SAP30BP: variants seen among roughly 807,000 people sequenced by gnomAD.
The protein encoded by SAP30BP is SAP30-binding protein.
In SAP30BP, 31 loss-of-function variants were observed where a neutral mutation model predicts 46.3. The observed-to-expected ratio is 0.67, with a 90% confidence interval of 0.50 to 0.90. SAP30BP has a LOEUF of 0.90. Among genes scored for constraint, SAP30BP ranks in the 40% least tolerant of loss-of-function variants. The probability of loss-of-function intolerance (pLI) is 0.00; values close to 1 mark genes in which losing one functional copy is unlikely to be tolerated. For missense variants in SAP30BP, 312 were observed against 391.0 expected, an observed-to-expected ratio of 0.80 and a Z score of 1.70; for synonymous variants, 169 against 144.2, an observed-to-expected ratio of 1.17 and a Z score of -1.23.
intron 3 of SAP30BP, among the ~76,000 whole-genome samples, chr17:75,686,636 A>G (rs1292489971): frequency 6.6e-6 from 1 of 152,310 alleles, no homozygotes; most frequent in East Asian, 1.9e-4. Context: ...GGCCCCACCA[A>G]CTTCCGCCCA....
intron 3 of SAP30BP, chr17:75,690,906 C>T (rs889440847): frequency 1.6e-5 from 6 of 370,284 alleles, no homozygotes; most frequent in Admixed American, 6.9e-5. Flanking sequence ...AGTGCAGCAG[C>T]GCTGGCCTCC....
chr17:75,678,701 T>C (rs1205991623), intron 3 of SAP30BP, among the ~76,000 whole-genome samples: 1 of 151,868 alleles, frequency 6.6e-6, no homozygotes, highest in African/African-American at 2.4e-5. Flanking sequence ...TAAACTGGAG[T>C]GCTCTCAGAA....
In SAP30BP at chr17:75,706,662, A is replaced by C. The variant is rs780292747; in HGVS notation, c.*141A>C. The stretch of plus-strand genomic sequence containing the variant: ...GAGGAGCTTCTGTTTGGCATTCCAG[A>C]TGGAAGGACAGGCAGCACGGGAGCC... On this transcript the variant is annotated 3_prime_UTR_variant, in exon 11 of 11. Coordinates refer to ENST00000584667, the MANE Select transcript of SAP30BP (RefSeq NM_013260.8). The surrounding 1 kb of genome is among the most constrained non-coding windows in gnomAD (Gnocchi z 4.6). 3.9e-6 allele frequency: 3 copies of C among 768,366 alleles called. No homozygotes were observed. The highest frequency in any genetic ancestry group is 4.2e-6 in the Non-Finnish European group (2 of 477,884). The allele number at this position is 768,366 out of a possible 1,614,324, so 47.6% of individuals were successfully genotyped here.
At chr17:75,688,304 A>G (rs1287038780) in intron 3 of SAP30BP, among the ~76,000 whole-genome samples, 2 of 152,222 alleles carry the variant, frequency 1.3e-5, no homozygotes, top group Non-Finnish European at 2.9e-5. Flanking sequence ...TCATCAGGCC[A>G]TGGGCTGTCC....
intron 3 of SAP30BP, among the ~76,000 whole-genome samples, chr17:75,688,285 A>G (rs1214915209): frequency 6.6e-6 from 1 of 152,214 alleles, no homozygotes; most frequent in Non-Finnish European, 1.5e-5. Context: ...GTGCTCGTGA[A>G]GTGAGATCTC....
intron 4 of SAP30BP, among the ~76,000 whole-genome samples, chr17:75,694,499 C>G (rs1476852936): frequency 6.6e-6 from 1 of 152,192 alleles, no homozygotes; most frequent in Non-Finnish European, 1.5e-5. Context: ...CTTTCAAATC[C>G]TATAAAAACC....
intron 3 of SAP30BP, among the ~76,000 whole-genome samples, chr17:75,672,627 C>G (rs574570711): frequency 3.3e-5 from 5 of 152,206 alleles, no homozygotes; most frequent in Middle Eastern, 3.4e-3. Context: ...TTATATCACT[C>G]TAGACCCGGG....
chr17:75,693,407 T>C (rs1311536606), intron 3 of SAP30BP, 33 bp from the exon 4 acceptor site: 1 of 1,602,288 alleles, frequency 6.2e-7, no homozygotes, highest in South Asian at 1.1e-5. Flanking sequence ...GGAGCCCCAG[T>C]CTTACCTCCT....
intron 7 of SAP30BP, 32 bp from the exon 8 acceptor site, chr17:75,703,776 G>C (rs933875970): frequency 6.2e-6 from 10 of 1,603,344 alleles, no homozygotes; most frequent in Non-Finnish European, 6.8e-6. Context: ...TGAGTCATTT[G>C]TCATCTGAGT....
intron 3 of SAP30BP, chr17:75,684,507 G>A (rs2060128973): frequency 6.6e-6 from 1 of 152,240 alleles, no homozygotes; most frequent in Admixed American, 6.5e-5. Context: ...TTGCTGGTTT[G>A]TGAGCCATCC....
intron 3 of SAP30BP, among the ~76,000 whole-genome samples, chr17:75,686,572 A>G (rs2060160763): frequency 2.0e-5 from 3 of 152,112 alleles, no homozygotes; most frequent in Non-Finnish European, 4.4e-5. Context: ...TTGGGAGCAG[A>G]GCCTTCCCAT....
chr17:75,686,879 A>G (rs1599131618), intron 3 of SAP30BP, among the ~76,000 whole-genome samples: 1 of 152,346 alleles, frequency 6.6e-6, no homozygotes, highest in South Asian at 2.1e-4. Flanking sequence ...GCCCCCAACC[A>G]TGTCTCTGTC....
At chr17:75,680,530 C>T (rs1016095161) in intron 3 of SAP30BP, among the ~76,000 whole-genome samples, 4 of 152,108 alleles carry the variant, frequency 2.6e-5, no homozygotes, top group Admixed American at 6.6e-5. Context: ...CGTGAGACCC[C>T]CTTTGCAAGG....
chr17:75,696,137 G>GT (rs1243882333), intron 4 of SAP30BP, among the ~76,000 whole-genome samples: 5 of 152,184 alleles, frequency 3.3e-5, no homozygotes, highest in African/African-American at 1.2e-4. Flanking sequence ...CTGCCTCTGA[G>GT]AACACACCCA....
intron 3 of SAP30BP, among the ~76,000 whole-genome samples, chr17:75,674,706 T>TTTTG (rs2059962610): frequency 1.7e-5 from 2 of 117,890 alleles, no homozygotes; most frequent in Admixed American, 8.6e-5. Context: ...TGTTTTTTTT[T>TTTTG]TTTTTTTTTT....
chr17:75,693,591 A>T (rs1438703079), intron 4 of SAP30BP, 109 bp downstream of exon 4: 1 of 976,222 alleles, frequency 1.0e-6, no homozygotes, highest in Non-Finnish European at 1.5e-6. Flanking sequence ...TGCTGTGAGC[A>T]CTGTTGTCCC....
rs1217453330 is a variant in SAP30BP at position 75,693,253 on chromosome 17, G to A, written c.265-187G>A. Reference sequence around the variant, plus strand: ...GGGCTCGGGAGCATCCGGCTGCTGCGATGCGGGAAGAAGAGGGTTCGGAGG... The same window carrying A: ...GGGCTCGGGAGCATCCGGCTGCTGCAATGCGGGAAGAAGAGGGTTCGGAGG... On this transcript the variant is annotated intron_variant, in intron 3 of 10. Coordinates refer to ENST00000584667, the MANE Select transcript of SAP30BP (RefSeq NM_013260.8). 5.2e-5 allele frequency: 30 copies of A among 580,460 alleles called. No individual in the cohort carries two copies. The East Asian group carries it at 7.7e-4, about 15-fold the overall frequency. The allele number at this position is 580,460 out of a possible 1,614,324, so 36.0% of individuals were successfully genotyped here.
At chr17:75,689,055 G>A (rs1236369258) in intron 3 of SAP30BP, among the ~76,000 whole-genome samples, 2 of 151,958 alleles carry the variant, frequency 1.3e-5, no homozygotes, top group African/African-American at 4.8e-5. Context: ...GGCTCAGATT[G>A]GTGTCCTCCA....
chr17:75,706,195 C>A lies in SAP30BP; in HGVS notation c.745+103C>A. On this transcript the variant is annotated intron_variant, in intron 10 of 10. Coordinates refer to ENST00000584667, the MANE Select transcript of SAP30BP (RefSeq NM_013260.8). The surrounding 1 kb of genome is among the most constrained non-coding windows in gnomAD (Gnocchi z 4.6). ...CACGTGGATCTGGGCCTGGGCTCAGCCTTGCTACTTTGAGAAGCACCTTTG... is the reference window on the plus strand; with the variant it reads ...CACGTGGATCTGGGCCTGGGCTCAGACTTGCTACTTTGAGAAGCACCTTTG... The A allele has an allele frequency of 3.9e-6, 6 of 1,555,858 alleles. No homozygotes were observed. Among genetic ancestry groups the A allele is most frequent in the South Asian group, 3.5e-5 (3 of 86,392 alleles).
Sources: allele counts gnomAD v4.1 joint callset (sites outside exome capture counted in the v4.1 genomes callset), GRCh38; gene constraint gnomAD v4.1.1; non-coding constraint Gnocchi (gnomAD v3.1); transcripts MANE v1.5; gene names NCBI Gene and HGNC (gene_info 2026-07-23, HGNC 2026-07-21).